DUSP13B: variants seen among roughly 807,000 people sequenced by gnomAD.
DUSP13B encodes dual specificity protein phosphatase 13B.
chr10:75,108,065 G>T, the DUSP13B span: 1 of 1,613,924 alleles, frequency 6.2e-7, no homozygotes, highest in South Asian at 1.1e-5. Flanking sequence ...CAAAATCAGG[G>T]AGGTCGTGGG....
the DUSP13B span, chr10:75,101,898 T>G: frequency 7.3e-7 from 1 of 1,367,416 alleles, no homozygotes; most frequent in Non-Finnish European, 9.8e-7. Flanking sequence ...GCTGTGCACT[T>G]CTCTGACGGG....
the DUSP13B span, chr10:75,094,612 G>A: frequency 6.4e-7 from 1 of 1,565,016 alleles, no homozygotes; most frequent in Non-Finnish European, 8.7e-7. Context: ...AGCAGAGCCT[G>A]CTGTTCCCAG....
the DUSP13B span, among the ~76,000 whole-genome samples, chr10:75,096,804 T>C: frequency 1.6e-4 from 25 of 152,082 alleles, no homozygotes; most frequent in Non-Finnish European, 3.2e-4. Flanking sequence ...TTCATAATAG[T>C]CAAAAAGTGG....
At chr10:75,100,836 C>T in the DUSP13B span, among the ~76,000 whole-genome samples, 1 of 152,246 alleles carries the variant, frequency 6.6e-6, no homozygotes, top group African/African-American at 2.4e-5. Flanking sequence ...TCCCATCCTC[C>T]CCCAGGAAGC....
the DUSP13B span, chr10:75,094,523 G>A: frequency 5.2e-6 from 4 of 770,898 alleles, no homozygotes; most frequent in East Asian, 2.7e-5. Flanking sequence ...AAATCCACCC[G>A]CTAAGAGGTC....
chr10:75,095,882 C>T, the DUSP13B span: 27 of 1,240,622 alleles, frequency 2.2e-5, no homozygotes, highest in East Asian at 4.7e-5. Context: ...CAAACACCCC[C>T]GCCCACCACC....
the DUSP13B span, chr10:75,095,663 G>C: frequency 6.2e-7 from 1 of 1,614,062 alleles, no homozygotes; most frequent in Non-Finnish European, 8.5e-7. Flanking sequence ...CGTCCGCCTC[G>C]ATGCCATAGT....
the DUSP13B span, among the ~76,000 whole-genome samples, chr10:75,105,301 G>A: frequency 1.2e-4 from 18 of 152,314 alleles, no homozygotes; most frequent in South Asian, 2.7e-3. Flanking sequence ...AGCTGAGGCA[G>A]GGCAGGTTGG....
the DUSP13B span, among the ~76,000 whole-genome samples, chr10:75,101,072 G>A: frequency 2.6e-5 from 4 of 152,262 alleles, no homozygotes; most frequent in African/African-American, 9.6e-5. Context: ...TCTCAGGGCA[G>A]GACCAGTGAG....
chr10:75,108,734 T>C, the DUSP13B span, among the ~76,000 whole-genome samples: 1 of 152,322 alleles, frequency 6.6e-6, no homozygotes, highest in South Asian at 2.1e-4. Flanking sequence ...CCTGGGCCTC[T>C]GCCTCTACAC....
chr10:75,097,922 G>T, the DUSP13B span: 3 of 1,519,630 alleles, frequency 2.0e-6, no homozygotes, highest in Admixed American at 3.9e-5. Flanking sequence ...CTGGAGGCAG[G>T]CTCCCAGAGG....
chr10:75,095,462 G>A, the DUSP13B span: 66 of 920,806 alleles, frequency 7.2e-5, no homozygotes, highest in Middle Eastern at 3.3e-4. Context: ...TGGAGTGGGA[G>A]GGTTACTGAA....
chr10:75,109,053 G>A, the DUSP13B span: 1 of 1,611,844 alleles, frequency 6.2e-7, no homozygotes, highest in Middle Eastern at 1.7e-4. Flanking sequence ...CCACACGGCT[G>A]CAAGAAGACT....
At chr10:75,099,388 C>T in the DUSP13B span, 2 of 1,232,322 alleles carry the variant, frequency 1.6e-6, no homozygotes, top group Non-Finnish European at 2.0e-6. Context: ...CCTCATCCCC[C>T]ACTGTGACCT....
chr10:75,099,375 C>T, the DUSP13B span: 1 of 1,232,274 alleles, frequency 8.1e-7, no homozygotes, highest in Non-Finnish European at 1.0e-6. Context: ...ACCAAGCTGT[C>T]CTCCTCATCC....
the DUSP13B span, chr10:75,099,005 T>C: frequency 8.1e-7 from 1 of 1,232,286 alleles, no homozygotes; most frequent in Non-Finnish European, 1.0e-6. Context: ...CACACCTGCC[T>C]ACAGGCCCTG....
At chr10:75,094,884 G>A in the DUSP13B span, 1 of 1,613,512 alleles carries the variant, frequency 6.2e-7, no homozygotes, top group South Asian at 1.1e-5. Context: ...GCGGCCTGTA[G>A]GGAGAACCAA....
the DUSP13B span, chr10:75,104,177 G>A: frequency 1.9e-6 from 2 of 1,067,208 alleles, no homozygotes; most frequent in Admixed American, 2.4e-5. Context: ...GCAGGGATAA[G>A]AGCTGTCACC....
the DUSP13B span, chr10:75,099,640 C>G: frequency 1.1e-6 from 1 of 889,054 alleles, no homozygotes; most frequent in Non-Finnish European, 1.5e-6. Flanking sequence ...CCTCTAAACC[C>G]CCAGGCCTCC....
Sources: gnomAD v4.1 joint callset for allele counts (sites outside exome capture counted in the v4.1 genomes callset) on GRCh38, gnomAD v4.1.1 for gene constraint, MANE v1.5 for transcripts, NCBI Gene and HGNC (gene_info 2026-07-23, HGNC 2026-07-21) for gene names.